DNAH5: variants seen among roughly 807,000 people sequenced by gnomAD.
DNAH5 encodes the protein dynein axonemal heavy chain 5, also known as axonemal beta dynein heavy chain 5.
Under a neutral mutation model 518.2 loss-of-function variants are expected in DNAH5, and 372 were observed. That is an observed-to-expected ratio of 0.72 (90% CI 0.66 to 0.78). The LOEUF (loss-of-function observed/expected upper bound fraction) is 0.78, where lower values mean the gene tolerates loss of function less well. Ranked by LOEUF, DNAH5 falls within the 30% of genes least tolerant of loss-of-function variation. The pLI is 0.00. For synonymous variants in DNAH5, 2,039 were observed against 2,025.9 expected (o/e 1.01, Z -0.17); for missense variants, 5,523 against 5,687.0 (o/e 0.97, Z 0.93).
chr5:13,882,766 C>T lies in DNAH5; in HGVS notation c.3224G>A (p.Ser1075Asn). The change falls in exon 21 of 79, where the codon AGT (serine) becomes AAT (asparagine). Residue 1075 changes from serine to asparagine, a missense_variant. Ser to Asn is a conservative substitution (Grantham distance 46). Transcript: ENST00000265104. ...TTCTCCCATTTCAACATCAGAATCA[C>T]TGTCTTCATTACTCTGCAAAGCAGC... ...KMAALQSNED[S>N]DSDVEMGENE... is the part of the protein sequence containing the mutation. 2 of 1,614,096 alleles carry T rather than the reference C, an allele frequency of 1.2e-6. No individual in the cohort carries two copies. The highest frequency in any genetic ancestry group is 1.7e-6 in the Non-Finnish European group (2 of 1,179,928).
At chr5:13,708,024 T>C in intron 76 of DNAH5, 99 bp downstream of exon 76, 1 of 1,376,224 alleles carries the variant, frequency 7.3e-7, no homozygotes, top group Non-Finnish European at 1.0e-6. Context: ...TGCAAAAGAA[T>C]CATGTTGAGT....
chr5:13,729,413 CT>C, intron 69 of DNAH5, 25 bp downstream of exon 69: 1 of 1,613,598 alleles, frequency 6.2e-7, no homozygotes, highest in Non-Finnish European at 8.5e-7. Context: ...ATGACATCAG[CT>C]TAAGTTGATT....
At chr5:13,881,914 C>A (rs374184674) in intron 21 of DNAH5, among the ~76,000 whole-genome samples, 5 of 151,896 alleles carry the variant, frequency 3.3e-5, no homozygotes, top group African/African-American at 4.8e-5. Context: ...AAAAGCTACA[C>A]AAAGTTGACA....
chr5:13,873,185 T>A (rs1013826758), intron 22 of DNAH5, among the ~76,000 whole-genome samples: 3 of 152,180 alleles, frequency 2.0e-5, no homozygotes, highest in African/African-American at 7.2e-5. Flanking sequence ...TTTGTAGAGT[T>A]TGGCCTGATT....
At chr5:13,915,738 G>C (rs894767707) in intron 9 of DNAH5, among the ~76,000 whole-genome samples, 2 of 151,960 alleles carry the variant, frequency 1.3e-5, no homozygotes, top group Non-Finnish European at 1.5e-5. Context: ...TAAGATTTTT[G>C]CTTTGATAAT....
At chr5:13,756,941 G>A (rs143389775) in intron 61 of DNAH5, among the ~76,000 whole-genome samples, 54 of 152,246 alleles carry the variant, frequency 3.5e-4, no homozygotes, top group African/African-American at 1.2e-3. Flanking sequence ...CCACTTATAA[G>A]TGAAAACATG....
At position 13,814,682 on chromosome 5, in the gene DNAH5, C is replaced by T. The variant is rs371074445; in HGVS notation, c.7153G>A (p.Ala2385Thr). ...IIFEPHNIDN[A>T]SPATVSRNGM... ...TTTCTTGAGACGGTGGCAGGAGAAG[C>T]ATTGTCAATGTTATGAGGCTCGAAA... The change falls in exon 43 of 79, where the codon GCT (alanine) becomes ACT (threonine). Residue 2385 changes from alanine to threonine, a missense_variant. Coordinates refer to ENST00000265104, the MANE Select transcript of DNAH5 (RefSeq NM_001369.3). 2 of 1,613,958 alleles carry T rather than the reference C, an allele frequency of 1.2e-6. No individual in the cohort carries two copies. Among genetic ancestry groups the T allele is most frequent in the African/African-American group, 1.3e-5 (1 of 74,924 alleles).
chr5:14,005,301 A>G (rs1784644119), intron 1 of DNAH5, among the ~76,000 whole-genome samples: 1 of 152,232 alleles, frequency 6.6e-6, no homozygotes, highest in Non-Finnish European at 1.5e-5. Context: ...AAAACAGTCC[A>G]GCGAATGCTT....
intron 27 of DNAH5, 51 bp from the exon 28 acceptor site, chr5:13,864,688 C>T (rs573147210): frequency 1.2e-5 from 20 of 1,604,334 alleles, no homozygotes; most frequent in Non-Finnish European, 1.7e-5. Flanking sequence ...TGGTAGACAT[C>T]ACTGGACCAA....
intron 45 of DNAH5, among the ~76,000 whole-genome samples, chr5:13,809,666 T>C (rs1162606430): frequency 6.6e-6 from 1 of 152,140 alleles, no homozygotes; most frequent in Non-Finnish European, 1.5e-5. Flanking sequence ...ACCAATAACC[T>C]TAAAGTATAT....
intron 52 of DNAH5, among the ~76,000 whole-genome samples, chr5:13,782,288 C>T (rs1422667885): frequency 1.3e-5 from 2 of 152,200 alleles, no homozygotes; most frequent in African/African-American, 2.4e-5. Flanking sequence ...TCAGAATTCC[C>T]TCACTAGCTG....
chr5:13,990,638 C>T (rs573419380), intron 1 of DNAH5, among the ~76,000 whole-genome samples: 27 of 152,260 alleles, frequency 1.8e-4, no homozygotes, highest in African/African-American at 6.3e-4. Flanking sequence ...GAGGCCAAGG[C>T]GGGCGGATTG....
At chr5:13,994,936 T>G (rs17293010) in intron 1 of DNAH5, among the ~76,000 whole-genome samples, 47,255 of 152,070 alleles carry the variant, frequency 0.31, 8,059 homozygotes, top group East Asian at 0.79. Flanking sequence ...ACACATGAGT[T>G]TCAGCAAACA....
At chr5:13,786,542 T>C (rs1458793424) in intron 51 of DNAH5, among the ~76,000 whole-genome samples, 191 bp from the exon 52 acceptor site, 1 of 152,230 alleles carries the variant, frequency 6.6e-6, no homozygotes, top group Non-Finnish European at 1.5e-5. Flanking sequence ...TCATATGCAG[T>C]CTTTGTTGTT....
At chr5:13,839,316 G>A in intron 35 of DNAH5, 40 bp downstream of exon 35, 1 of 1,599,696 alleles carries the variant, frequency 6.3e-7, no homozygotes. Context: ...CAACTCGAGA[G>A]AATAAAAATG....
At chr5:13,741,100 T>C (rs1042251351) in intron 65 of DNAH5, among the ~76,000 whole-genome samples, 2 of 152,194 alleles carry the variant, frequency 1.3e-5, no homozygotes, top group African/African-American at 4.8e-5. Flanking sequence ...ATCTAGTCTT[T>C]GTGCCAGAAA....
chr5:13,865,559 C>G, intron 27 of DNAH5, 109 bp downstream of exon 27: 1 of 786,438 alleles, frequency 1.3e-6, no homozygotes, highest in Non-Finnish European at 2.3e-6. Flanking sequence ...AACAATGCAG[C>G]AAGATGTGCT....
chr5:13,943,110 T>C (rs537718454), intron 1 of DNAH5, among the ~76,000 whole-genome samples: 3 of 152,334 alleles, frequency 2.0e-5, no homozygotes, highest in Admixed American at 6.5e-5. Flanking sequence ...CAAGGAAGAA[T>C]AATTCATTAA....
rs1759353919 is a variant in DNAH5 at position 13,804,977 on chromosome 5, G to A, written c.7887+2614C>T. Among the ~76,000 whole-genome samples, 4 of 152,150 alleles carry A rather than the reference G, an allele frequency of 2.6e-5. No homozygotes were observed. The South Asian group carries it at 8.3e-4, about 32-fold the overall frequency. On this transcript the variant is annotated intron_variant, in intron 47 of 78. Transcript: ENST00000265104. ...ACAGAGTTGGTAACAAAAACGCAAT[G>A]ACAAGGCCTCATTGCATAATAAAAG...
Sources: allele counts gnomAD v4.1 joint callset (sites outside exome capture counted in the v4.1 genomes callset), GRCh38; gene constraint gnomAD v4.1.1; transcripts MANE v1.5; gene names NCBI Gene and HGNC (gene_info 2026-07-23, HGNC 2026-07-21).